The following AOAH variants were observed in gnomAD, a reference collection of about 807,000 sequenced individuals.
The protein encoded by AOAH is acyloxyacyl hydrolase, also known as acyloxyacyl hydrolase (neutrophil).
AOAH carries 64 observed loss-of-function variants against 92.2 expected under a neutral mutation model. The ratio of observed to expected loss-of-function variants is 0.69; its 90% confidence interval spans 0.57 to 0.86. AOAH has a LOEUF of 0.86. Among genes scored for constraint, AOAH ranks in the 40% least tolerant of loss-of-function variants. The probability of loss-of-function intolerance (pLI) is 0.00; values close to 1 mark genes in which losing one functional copy is unlikely to be tolerated. For missense variants in AOAH, 656 were observed against 694.6 expected (o/e 0.94, Z 0.62); for synonymous variants, 263 against 254.5 (o/e 1.03, Z -0.32).
At position 36,659,138 on chromosome 7, in the gene AOAH, CAG is replaced by C; in HGVS notation, c.390+26_390+27del. The C allele has an allele frequency of 2.6e-6, 4 of 1,564,302 alleles. No homozygotes were observed. In the South Asian group the frequency reaches 3.3e-5, roughly 13 times the overall value. On this transcript the variant is annotated intron_variant, in intron 4 of 20. Transcript: ENST00000617537. ...CAAAAGCCTTGCATGTCCCTGGAAA[CAG>C]ATGTTCAGAGTGATTACACACTCAC...
Position 36,615,943 on chromosome 7 carries a change from G to A in AOAH, c.846+437C>T, listed in dbSNP as rs531584956. On this transcript the variant is annotated intron_variant, in intron 11 of 20. Coordinates refer to ENST00000617537, the MANE Select transcript of AOAH (RefSeq NM_001637.4). The stretch of plus-strand genomic sequence containing the variant: ...TCATCACTCTTTGGGAATGGATGGC[G>A]GGCTTGTCTGTCCCCTGATGCCTTC... Among the ~76,000 whole-genome samples the A allele has an allele frequency of 4.9e-4, 74 of 151,922 alleles. 2 individuals are homozygous for A. The highest frequency in any genetic ancestry group is 1.6e-3 in the African/African-American group (68 of 41,392).
intron 19 of AOAH, among the ~76,000 whole-genome samples, chr7:36,526,338 A>C (rs1035673335): frequency 6.6e-6 from 1 of 152,232 alleles, no homozygotes. Flanking sequence ...AGGACAGTAA[A>C]ACTTAAGGGA....
At chr7:36,648,957 A>C (rs1170835537) in intron 4 of AOAH, among the ~76,000 whole-genome samples, 1 of 152,188 alleles carries the variant, frequency 6.6e-6, no homozygotes, top group Non-Finnish European at 1.5e-5. Flanking sequence ...GTTACAACCA[A>C]CAATTTGAAT....
At chr7:36,535,207 C>A (rs1241386711) in intron 16 of AOAH, among the ~76,000 whole-genome samples, 1 of 151,760 alleles carries the variant, frequency 6.6e-6, no homozygotes, top group African/African-American at 2.4e-5. Flanking sequence ...TTGTGGGGAG[C>A]CAGCGGGCTG....
intron 12 of AOAH, among the ~76,000 whole-genome samples, chr7:36,591,355 CTA>C (rs1355348128): frequency 1.3e-5 from 2 of 152,162 alleles, no homozygotes; most frequent in Non-Finnish European, 2.9e-5. Flanking sequence ...CTTAAGCAGA[CTA>C]TGCGTTTTTT....
rs549317369 is a variant in AOAH, at chr7:36,678,600, T to TGTGTGTGTGTGTGCGC, written c.224-4592_224-4591insGCGCACACACACACAC. Among the ~76,000 whole-genome samples, 1,180 of 130,808 alleles carry TGTGTGTGTGTGTGCGC rather than the reference T, an allele frequency of 9.0e-3. 17 individuals are homozygous for TGTGTGTGTGTGTGCGC. The highest frequency in any genetic ancestry group is 0.026 in the Middle Eastern group (6 of 232). 85.8% of individuals were successfully genotyped at this position (130,808 alleles called of 152,430 possible). ...GTGTGTGTGTGTGTGTGTGTGTGTG[T>TGTGTGTGTGTGTGCGC]GCGCGCGCGCGCGCGTTAGAATTCT... On this transcript the variant is annotated intron_variant, in intron 2 of 20. Coordinates refer to ENST00000617537, the MANE Select transcript of AOAH (RefSeq NM_001637.4).
chr7:36,608,226 C>A (rs6979823), intron 11 of AOAH, among the ~76,000 whole-genome samples: 4,145 of 152,320 alleles, frequency 0.027, 197 homozygotes, highest in African/African-American at 0.094. Context: ...ATCTTAGTGG[C>A]GTCTTTACAG....
chr7:36,529,437 C>T (rs1244135974), intron 19 of AOAH, among the ~76,000 whole-genome samples: 1 of 152,148 alleles, frequency 6.6e-6, no homozygotes, highest in Admixed American at 6.5e-5. Flanking sequence ...ATCACCTAGG[C>T]AGGAAATCTA....
At chr7:36,603,743 C>T (rs1227188369) in intron 11 of AOAH, among the ~76,000 whole-genome samples, 2 of 152,150 alleles carry the variant, frequency 1.3e-5, no homozygotes, top group African/African-American at 4.8e-5. Flanking sequence ...CTGACCTCTA[C>T]TCTAGGATCC....
intron 1 of AOAH, among the ~76,000 whole-genome samples, chr7:36,719,209 C>CAGTGTCCA (rs1479702284): frequency 6.6e-6 from 1 of 152,134 alleles, no homozygotes; most frequent in Non-Finnish European, 1.5e-5. Flanking sequence ...ATCATACAGT[C>CAGTGTCCA]AGTGTCCAAT....
chr7:36,631,980 C>A lies in AOAH; in HGVS notation c.521+56G>T, dbSNP rs754567788. Reference sequence around the variant, plus strand: ...CATTTTGGTCATTAGAAAAGGGGGACAAGCAAAGACGTTATTACATGCTAG... The same window carrying A: ...CATTTTGGTCATTAGAAAAGGGGGAAAAGCAAAGACGTTATTACATGCTAG... On this transcript the variant is annotated intron_variant, in intron 6 of 20. Transcript: ENST00000617537. The A allele has an allele frequency of 3.2e-4, 437 of 1,373,010 alleles. 2 individuals are homozygous for A. Among genetic ancestry groups the A allele is most frequent in the Non-Finnish European group, 4.0e-4 (399 of 986,052 alleles). 85.1% of individuals were successfully genotyped at this position (1,373,010 alleles called of 1,614,324 possible). A position where few individuals can be genotyped will look rare whatever the true frequency, so the allele number is the denominator to read the frequency against.
At chr7:36,566,380 CTCTA>C (rs1197055606) in intron 13 of AOAH, among the ~76,000 whole-genome samples, 1 of 136,102 alleles carries the variant, frequency 7.3e-6, no homozygotes, top group African/African-American at 2.7e-5. Flanking sequence ...TTTTTTTTGC[CTCTA>C]TCTCTTTTCA....
At chr7:36,639,277 T>G (rs140529007) in intron 4 of AOAH, among the ~76,000 whole-genome samples, 180 of 152,336 alleles carry the variant, frequency 1.2e-3, no homozygotes, top group African/African-American at 4.2e-3. Flanking sequence ...CACCAGATTT[T>G]CATGCAAACT....
intron 4 of AOAH, among the ~76,000 whole-genome samples, chr7:36,648,991 A>G (rs1794409481): frequency 6.6e-6 from 1 of 151,838 alleles, no homozygotes; most frequent in African/African-American, 2.4e-5. Flanking sequence ...CTGTAAAGTT[A>G]AGATAATGGA....
intron 1 of AOAH, among the ~76,000 whole-genome samples, chr7:36,706,233 ATGT>A (rs1798400195): frequency 6.6e-6 from 1 of 152,148 alleles, no homozygotes; most frequent in African/African-American, 2.4e-5. Context: ...TACAGAATAG[ATGT>A]TGTGTTAGAG....
chr7:36,525,496 T>G (rs1019321561), intron 19 of AOAH, among the ~76,000 whole-genome samples: 6 of 152,224 alleles, frequency 3.9e-5, no homozygotes, highest in Non-Finnish European at 8.8e-5. Context: ...ATTACCAAAC[T>G]GAAAACTATG....
intron 13 of AOAH, among the ~76,000 whole-genome samples, chr7:36,569,572 T>C (rs1232251173): frequency 7.8e-5 from 4 of 51,334 alleles, no homozygotes; most frequent in Non-Finnish European, 2.0e-4. Context: ...TTTACATATC[T>C]ATCTATCTAT....
intron 2 of AOAH, among the ~76,000 whole-genome samples, chr7:36,684,094 G>A (rs1462886731): frequency 6.6e-6 from 1 of 152,144 alleles, no homozygotes; most frequent in East Asian, 1.9e-4. Context: ...AAGAAACCAG[G>A]GCTTTTAAGA....
intron 13 of AOAH, among the ~76,000 whole-genome samples, chr7:36,566,465 A>G (rs1313589347): frequency 2.6e-5 from 4 of 151,214 alleles, no homozygotes. Context: ...TAATTCTGAC[A>G]TTCATCATAC....
Sources: allele counts gnomAD v4.1 joint callset (sites outside exome capture counted in the v4.1 genomes callset), GRCh38; gene constraint gnomAD v4.1.1; transcripts MANE v1.5; gene names NCBI Gene and HGNC (gene_info 2026-07-23, HGNC 2026-07-21).